The following MBNL3 variants were observed in gnomAD, a reference collection of about 807,000 sequenced individuals.
MBNL3 encodes muscleblind like splicing regulator 3, also known as muscleblind-like protein 3.
A neutral mutation model predicts 24.5 loss-of-function variants in MBNL3; 6 were observed. The ratio of observed to expected loss-of-function variants is 0.25; its 90% CI spans 0.13 to 0.48. The LOEUF (loss-of-function observed/expected upper bound fraction) is 0.48. Among genes scored for constraint, MBNL3 ranks in the 20% least tolerant of loss-of-function variants. The pLI is 0.99. For missense variants in MBNL3, 230 were observed against 293.5 expected (o/e 0.78, Z 1.58); for synonymous variants, 100 against 101.7 (o/e 0.98, Z 0.10).
intron 2 of MBNL3, among the ~76,000 whole-genome samples, chrX:132,407,143 A>G (rs923899624): frequency 8.9e-6 from 1 of 112,226 alleles, no homozygotes; most frequent in African/African-American, 3.2e-5. Flanking sequence ...TTCCTTATTT[A>G]TGATGCCTAC....
At chrX:132,390,265 CAAAAAAAAAAAAAAA>C (rs59093044) in intron 5 of MBNL3, among the ~76,000 whole-genome samples, 8 of 31,612 alleles carry the variant, frequency 2.5e-4, no homozygotes. Context: ...ACAACAACAA[CAAAAAAAAAAAAAAA>C]AAAAAAAAAA....
At chrX:132,410,850 A>G (rs1942620562) in intron 2 of MBNL3, among the ~76,000 whole-genome samples, 1 of 112,248 alleles carries the variant, frequency 8.9e-6, no homozygotes, top group Middle Eastern at 4.6e-3. Context: ...AGATCAACAT[A>G]CAACGAGTTA....
intron 2 of MBNL3, among the ~76,000 whole-genome samples, chrX:132,408,594 A>G (rs1389967292): frequency 8.9e-6 from 1 of 111,888 alleles, no homozygotes; most frequent in African/African-American, 3.2e-5. Context: ...AACACACTGT[A>G]TTTGGCACAT....
intron 1 of MBNL3, among the ~76,000 whole-genome samples, chrX:132,478,126 A>G (rs1569462504): frequency 8.9e-6 from 1 of 111,754 alleles, no homozygotes; most frequent in East Asian, 2.8e-4. Flanking sequence ...AACATTTAAA[A>G]TTTTTGGATA....
Position 132,457,172 on chromosome X carries a change from A to G in MBNL3, c.-703-16858T>C, listed in dbSNP as rs370759632. 7.2e-5 allele frequency among the ~76,000 whole-genome samples: 8 copies of G among 111,647 alleles called. 1 individual carries two copies. The highest frequency in any genetic ancestry group is 2.6e-4 in the African/African-American group (8 of 30,790). On this transcript the variant is annotated intron_variant, in intron 1 of 8. Coordinates refer to ENST00000370853, the MANE Select transcript of MBNL3 (RefSeq NM_001386889.1). The stretch of plus-strand genomic sequence containing the variant: ...GTAAATTTACTATATCAAAATCTGG[A>G]GTGTGCAAGTCATAAAAAGAAGGCA...
At chrX:132,487,306 C>T (rs1388420097) in intron 1 of MBNL3, among the ~76,000 whole-genome samples, 1 of 111,432 alleles carries the variant, frequency 9.0e-6, no homozygotes, top group African/African-American at 3.3e-5. Context: ...TACCAAAATG[C>T]AAGTGTTTAT....
chrX:132,380,241 T>C (rs1490731146), intron 8 of MBNL3, among the ~76,000 whole-genome samples: 1 of 112,078 alleles, frequency 8.9e-6, no homozygotes, highest in Non-Finnish European at 1.9e-5. Context: ...AAGGAATCAC[T>C]CTTCCCTAAC....
Position 132,375,392 on chromosome X carries a change from G to A in MBNL3, c.*4274C>T, listed in dbSNP as rs1934041277. ...TGTCAGTTCAGAACCTAGCTAGGCG[G>A]GCAGAATCCATGCAGTAAAAGCTTA... is the stretch of plus-strand genomic sequence containing the variant. On this transcript the variant is annotated 3_prime_UTR_variant, in exon 9 of 9. Transcript: ENST00000370853. 9.0e-6 allele frequency: 1 copy of A among 111,039 alleles called. No individual in the cohort carries two copies. Among genetic ancestry groups the A allele is most frequent in the Non-Finnish European group, 1.9e-5 (1 of 52,786 alleles). The allele number at this position is 111,039 out of a possible 1,213,427, so 9.2% of individuals were successfully genotyped here.
chrX:132,463,684 T>TA (rs968137375), intron 1 of MBNL3, among the ~76,000 whole-genome samples: 3 of 110,990 alleles, frequency 2.7e-5, no homozygotes, highest in African/African-American at 9.8e-5. Flanking sequence ...CACACAATTT[T>TA]AAAAAAAAGT....
intron 1 of MBNL3, among the ~76,000 whole-genome samples, chrX:132,450,917 T>G (rs766059251): frequency 1.8e-5 from 2 of 112,618 alleles, no homozygotes; most frequent in East Asian, 5.6e-4. Flanking sequence ...CTTCTAACAG[T>G]CAGGCCTCTC....
At chrX:132,449,464 CTT>C (rs751006249) in intron 1 of MBNL3, among the ~76,000 whole-genome samples, 170 of 29,765 alleles carry the variant, frequency 5.7e-3, no homozygotes, top group African/African-American at 0.027. Flanking sequence ...GCAACCCCTG[CTT>C]TTTTTTTTTT....
intron 1 of MBNL3, among the ~76,000 whole-genome samples, chrX:132,449,986 C>G (rs866981334): frequency 1.3e-4 from 9 of 70,130 alleles, no homozygotes; most frequent in Admixed American, 1.5e-4. Flanking sequence ...TGCCCCCCCC[C>G]CCCCCCCGCC....
chrX:132,445,156 AT>A (rs1407666813), intron 1 of MBNL3, among the ~76,000 whole-genome samples: 3 of 112,033 alleles, frequency 2.7e-5, no homozygotes, highest in African/African-American at 9.7e-5. Flanking sequence ...CTTTGTTTCC[AT>A]TTTAAGCTTT....
At chrX:132,489,701 C>T (rs1481176240), upstream of MBNL3, 1 of 2,052 alleles carries the variant, frequency 4.9e-4, no homozygotes, top group Admixed American at 4.8e-3. Flanking sequence ...CGAAACTCCG[C>T]GGGCCAGCGG....
chrX:132,462,452 G>A (rs1946673319), intron 1 of MBNL3, among the ~76,000 whole-genome samples: 1 of 112,360 alleles, frequency 8.9e-6, no homozygotes, highest in Non-Finnish European at 1.9e-5. Flanking sequence ...GAAGTTCACA[G>A]GTAATTTCAC....
chrX:132,408,118 T>TACCAA (rs1942145152), intron 2 of MBNL3, among the ~76,000 whole-genome samples: 1 of 49,042 alleles, frequency 2.0e-5, no homozygotes, highest in African/African-American at 6.9e-5. Flanking sequence ...TTTTTTTTTT[T>TACCAA]TTTTTTTTTT....
chrX:132,431,295 G>T (rs1244839389), intron 2 of MBNL3: 2 of 111,561 alleles, frequency 1.8e-5, no homozygotes, highest in Non-Finnish European at 3.8e-5. Flanking sequence ...TTTATTAATT[G>T]GAATTCTTCT....
chrX:132,383,838 G>A (rs137938096), intron 7 of MBNL3, among the ~76,000 whole-genome samples: 1 of 111,671 alleles, frequency 9.0e-6, no homozygotes, highest in Non-Finnish European at 1.9e-5. Flanking sequence ...TCAAAAGGGA[G>A]GGGATGGCCT....
chrX:132,423,201 G>C (rs1943983264), intron 2 of MBNL3, among the ~76,000 whole-genome samples: 1 of 111,612 alleles, frequency 9.0e-6, no homozygotes. Context: ...TTCATTTTCT[G>C]TTTACAAAGT....
Sources: gnomAD v4.1 joint callset for allele counts (sites outside exome capture counted in the v4.1 genomes callset) on GRCh38, gnomAD v4.1.1 for gene constraint, MANE v1.5 for transcripts, NCBI Gene and HGNC (gene_info 2026-07-23, HGNC 2026-07-21) for gene names.